Variants in SLC66A1 observed in about 807,000 individuals in gnomAD.
SLC66A1 encodes lysosomal amino acid transporter 1 homolog.
A neutral mutation model predicts 33.0 loss-of-function variants in SLC66A1; 23 were observed. The observed-to-expected ratio is 0.70, with a 90% CI of 0.50 to 0.99. The LOEUF is 0.99. Among genes scored for constraint, SLC66A1 ranks in the 50% least tolerant of loss-of-function variants. The probability of loss-of-function intolerance (pLI) is 0.00; values close to 1 mark genes in which losing one functional copy is unlikely to be tolerated. For synonymous variants in SLC66A1, 164 were observed against 175.5 expected, an observed-to-expected ratio of 0.93 and a Z score of 0.52; for missense variants, 335 against 383.6, an observed-to-expected ratio of 0.87 and a Z score of 1.06.
chr1:19,313,506 C>T (rs998078874), intron 1 of SLC66A1, among the ~76,000 whole-genome samples: 2 of 152,162 alleles, frequency 1.3e-5, no homozygotes, highest in Non-Finnish European at 2.9e-5. Flanking sequence ...TGGTAGCGTT[C>T]TTCAGGTGTG....
At position 19,328,574 on chromosome 1, in the gene SLC66A1, CTCCA is replaced by C. The variant is rs761738771; in HGVS notation, c.812_815del (p.Ile271SerfsTer130). The stretch of plus-strand genomic sequence containing the variant: ...GGCCTTAACGGCGGCACCCCCAGAT[CTCCA>C]TCCAGTTCCTGGTGTACAGGCGCAG... On this transcript the variant is annotated frameshift_variant, in exon 8 of 8. Coordinates refer to ENST00000375153, the MANE Select transcript of SLC66A1 (RefSeq NM_001040125.2). LOFTEE classifies it high-confidence loss of function. The surrounding 1 kb of genome is among the most constrained non-coding windows in gnomAD (Gnocchi z 4.7). 1.9e-6 allele frequency: 3 copies of C among 1,613,068 alleles called. No homozygotes were observed. The highest frequency in any genetic ancestry group is 2.5e-6 in the Non-Finnish European group (3 of 1,179,810).
intron 7 of SLC66A1, 107 bp downstream of exon 7, chr1:19,327,519 C>CCATA: frequency 8.1e-7 from 1 of 1,229,968 alleles, no homozygotes; most frequent in Non-Finnish European, 1.1e-6. Context: ...ATCCATCCGT[C>CCATA]CATCCATCCA....
At chr1:19,314,896 T>C (rs1030517149) in intron 1 of SLC66A1, among the ~76,000 whole-genome samples, 2 of 67,968 alleles carry the variant, frequency 2.9e-5, no homozygotes, top group Non-Finnish European at 6.7e-5. Context: ...ACTATATGGT[T>C]TTTTTTTTGT....
At position 19,328,810 on chromosome 1, in the gene SLC66A1, G is replaced by A. The variant is rs116397186; in HGVS notation, c.*167G>A. On this transcript the variant is annotated 3_prime_UTR_variant, in exon 8 of 8. Transcript: ENST00000375153. This position sits in a 1 kb window ranked among gnomAD's most constrained non-coding sequence, Gnocchi z 4.7. ...AGGAACACACCTTCAGGTAGACCCC[G>A]AAGCCTCAAGGCCGGGGCTGGAGCG... The A allele has an allele frequency of 1.9e-3, 1,416 of 729,418 alleles. 20 individuals carry two copies. The African/African-American group carries it at 0.023, about 12-fold the overall frequency. 45.2% of individuals were successfully genotyped at this position (729,418 alleles called of 1,614,324 possible). A position where few individuals can be genotyped will look rare whatever the true frequency, so the allele number is the denominator to read the frequency against.
At chr1:19,329,995 T>G (rs899300197), downstream of SLC66A1, among the ~76,000 whole-genome samples, 1 of 152,144 alleles carries the variant, frequency 6.6e-6, no homozygotes, top group African/African-American at 2.4e-5. Context: ...GTTTTATTTT[T>G]AAAATTTTTT....
At chr1:19,317,982 C>T in intron 2 of SLC66A1, 141 bp downstream of exon 2, 8 of 1,305,706 alleles carry the variant, frequency 6.1e-6, no homozygotes, top group Non-Finnish European at 8.4e-6. Context: ...TCGACAGGGA[C>T]CTGCACTGAT....
intron 1 of SLC66A1, among the ~76,000 whole-genome samples, chr1:19,316,326 C>T (rs1307895593): frequency 6.6e-6 from 1 of 151,152 alleles, no homozygotes; most frequent in Non-Finnish European, 1.5e-5. Context: ...CCACTTGCCT[C>T]ATCTGTGTGG....
Position 19,326,264 on chromosome 1 carries a change from C to T in SLC66A1, c.402C>T (p.Ser134=), listed in dbSNP as rs374365362. ...RPSLLSAPIN[S]VLLFLMGMAC... is the part of the protein sequence containing the mutation. ...GTGCAGTGTCTGCCCCCATCAACTC[C>T]GTGCTGTTGTTCCTCATGGGGATGG... Residue 134 remains serine, a synonymous_variant, in exon 5 of 8, where the codon TCC becomes TCT. Coordinates refer to ENST00000375153, the MANE Select transcript of SLC66A1 (RefSeq NM_001040125.2). 9.3e-6 allele frequency: 15 copies of T among 1,605,606 alleles called. No homozygotes were observed. The highest frequency in any genetic ancestry group is 1.7e-4 in the Middle Eastern group (1 of 6,056).
chr1:19,317,043 G>A (rs1240422232), intron 1 of SLC66A1, among the ~76,000 whole-genome samples: 4 of 151,078 alleles, frequency 2.6e-5, no homozygotes, highest in African/African-American at 7.3e-5. Context: ...TTACCGGCAT[G>A]AGCCATCATT....
rs966545181 is a variant in SLC66A1, at chr1:19,312,356, G to A, written c.-612G>A. On this transcript the variant is annotated 5_prime_UTR_variant, in exon 1 of 8. It adds an upstream start codon to the 5' untranslated region. Transcript: ENST00000375153. ...CTGGGCCCTGGCGGCGGATCTGGACGTGGTGAGCCGGACCGGGGGCAGGTG... is the reference window on the plus strand; with the variant it reads ...CTGGGCCCTGGCGGCGGATCTGGACATGGTGAGCCGGACCGGGGGCAGGTG... The A allele has an allele frequency of 3.1e-5, 8 of 257,460 alleles. No individual in the cohort carries two copies. Among genetic ancestry groups the A allele is most frequent in the African/African-American group, 1.6e-4 (7 of 44,488 alleles). 15.9% of individuals were successfully genotyped at this position (257,460 alleles called of 1,614,324 possible).
In SLC66A1 at chr1:19,328,505, C is replaced by G; in HGVS notation, c.805-67C>G. 1 of 1,472,302 alleles carries G rather than the reference C, an allele frequency of 6.8e-7. No individual in the cohort carries two copies. The highest frequency in any genetic ancestry group is 2.4e-5 in the East Asian group (1 of 41,374). The allele number at this position is 1,472,302 out of a possible 1,614,324, so 91.2% of individuals were successfully genotyped here. Reference sequence around the variant, plus strand: ...GGAGAGGGAGGCAGCTCCCAGGAGTCGAAGGCCCCCAGGGGCAGGTCCAAC... The same window carrying G: ...GGAGAGGGAGGCAGCTCCCAGGAGTGGAAGGCCCCCAGGGGCAGGTCCAAC... On this transcript the variant is annotated intron_variant, in intron 7 of 7. Transcript: ENST00000375153. The surrounding 1 kb of genome is among the most constrained non-coding windows in gnomAD (Gnocchi z 4.7).
At chr1:19,323,797 T>C (rs544355418) in intron 2 of SLC66A1, among the ~76,000 whole-genome samples, 109 of 152,298 alleles carry the variant, frequency 7.2e-4, no homozygotes, top group African/African-American at 2.4e-3. Context: ...GTATGTATAA[T>C]GGTTAAGAGC....
At chr1:19,313,705 C>T (rs2093789912) in intron 1 of SLC66A1, among the ~76,000 whole-genome samples, 1 of 152,192 alleles carries the variant, frequency 6.6e-6, no homozygotes, top group South Asian at 2.1e-4. Flanking sequence ...AGACGTGGGT[C>T]AGGAGGCAGG....
intron 4 of SLC66A1, among the ~76,000 whole-genome samples, chr1:19,325,865 C>T (rs2093863194): frequency 6.6e-6 from 1 of 152,180 alleles, no homozygotes; most frequent in Admixed American, 6.5e-5. Context: ...GTGTCCGGCC[C>T]TGGGCTTGGA....
downstream of SLC66A1, among the ~76,000 whole-genome samples, chr1:19,331,862 G>A (rs745772576): frequency 1.3e-5 from 2 of 152,200 alleles, no homozygotes; most frequent in Non-Finnish European, 2.9e-5. Context: ...CTTCTCTGAT[G>A]GGGTGACATA....
chr1:19,331,761 CAGTATAGCCACATGAGCCCCA>C (rs1175905099), downstream of SLC66A1, among the ~76,000 whole-genome samples: 1 of 152,214 alleles, frequency 6.6e-6, no homozygotes, highest in African/African-American at 2.4e-5. Context: ...TCTGGGGGCA[CAGTATAGCCACATGAGCCCCA>C]AGTGTGGTCC....
intron 6 of SLC66A1, 86 bp downstream of exon 6, chr1:19,326,709 GCAT>G: frequency 7.3e-7 from 1 of 1,367,680 alleles, no homozygotes; most frequent in Non-Finnish European, 1.0e-6. Flanking sequence ...GAGTAGCACA[GCAT>G]AGGAGCCTTG....
chr1:19,326,810 G>A (rs569110684), intron 6 of SLC66A1, among the ~76,000 whole-genome samples, 187 bp downstream of exon 6: 5 of 152,310 alleles, frequency 3.3e-5, no homozygotes, highest in South Asian at 2.1e-4. Context: ...GAAAATGGGC[G>A]TGGCGTGGCC....
At chr1:19,325,290 C>G (rs2093858037) in intron 3 of SLC66A1, among the ~76,000 whole-genome samples, 2 of 152,204 alleles carry the variant, frequency 1.3e-5, no homozygotes, top group African/African-American at 4.8e-5. Flanking sequence ...GGGCTAGATC[C>G]TTTCCTGGGT....
Sources: allele counts gnomAD v4.1 joint callset (sites outside exome capture counted in the v4.1 genomes callset), GRCh38; gene constraint gnomAD v4.1.1; non-coding constraint Gnocchi (gnomAD v3.1); transcripts MANE v1.5; gene names NCBI Gene and HGNC (gene_info 2026-07-23, HGNC 2026-07-21).